The following SIPA1L3 variants were observed in gnomAD, a reference collection of about 807,000 sequenced individuals.
The protein encoded by SIPA1L3 is signal-induced proliferation-associated 1-like protein 3.
A neutral mutation model predicts 150.1 loss-of-function variants in SIPA1L3; 59 were observed. The observed-to-expected ratio is 0.39, with a 90% CI of 0.32 to 0.49. The LOEUF is 0.49. Among genes scored for constraint, SIPA1L3 ranks in the 20% least tolerant of loss-of-function variants. SIPA1L3 has a pLI of 0.86. For synonymous variants in SIPA1L3, 1,070 were observed against 1,077.6 expected (o/e 0.99, Z 0.14); for missense variants, 2,211 against 2,489.5 (o/e 0.89, Z 2.38).
chr19:38,129,285 G>C (rs956438296), intron 9 of SIPA1L3, among the ~76,000 whole-genome samples: 2 of 152,136 alleles, frequency 1.3e-5, no homozygotes, highest in African/African-American at 4.8e-5. Context: ...CTCCATGTTG[G>C]GGGAAGGTCT....
chr19:38,145,817 CT>C (rs1463318069), intron 12 of SIPA1L3, among the ~76,000 whole-genome samples: 5 of 151,892 alleles, frequency 3.3e-5, no homozygotes, highest in Admixed American at 6.6e-5. Context: ...TCTCTTCCCC[CT>C]GTGCCTAACC....
chr19:38,197,905 T>A lies in SIPA1L3; in HGVS notation c.4841-484T>A, dbSNP rs544598376. On this transcript the variant is annotated intron_variant, in intron 18 of 21. Coordinates refer to ENST00000222345, the MANE Select transcript of SIPA1L3 (RefSeq NM_015073.3). The stretch of plus-strand genomic sequence containing the variant: ...CCAAACACACAGTCCGTCCCCCACA[T>A]GCACCCAGAGGGAGTCTTCCAGGGC... 1.6e-4 allele frequency among the ~76,000 whole-genome samples: 16 copies of A among 97,928 alleles called. No homozygotes were observed. In the East Asian group the frequency reaches 5.4e-3, roughly 33 times the overall value. 64.2% of individuals were successfully genotyped at this position (97,928 alleles called of 152,430 possible). A position where few individuals can be genotyped will look rare whatever the true frequency, so the allele number is the denominator to read the frequency against.
In SIPA1L3 at chr19:38,046,592, G is replaced by T. The variant is rs1969064314; in HGVS notation, c.-311+17436G>T. ...AGGAAATGACTCCTTCATAGGCTGA[G>T]AGTTTTGGGAGGCCCTGTGCCACAA... On this transcript the variant is annotated intron_variant, in intron 2 of 21. Transcript: ENST00000222345. This position sits in a 1 kb window ranked among gnomAD's most constrained non-coding sequence, Gnocchi z 5.6. Among the ~76,000 whole-genome samples the T allele has an allele frequency of 6.6e-6, 1 of 152,162 alleles. No homozygotes were observed.
chr19:38,126,736 A>G (rs1005934722), intron 9 of SIPA1L3, among the ~76,000 whole-genome samples: 1 of 151,696 alleles, frequency 6.6e-6, no homozygotes, highest in Non-Finnish European at 1.5e-5. Flanking sequence ...GGGTTTCACC[A>G]TGTTGCCCAG....
chr19:38,000,490 A>G (rs919905173), intron 1 of SIPA1L3, among the ~76,000 whole-genome samples: 1 of 150,838 alleles, frequency 6.6e-6, no homozygotes. Flanking sequence ...AAAAAAAAAA[A>G]AAAAAAAAGA....
intron 1 of SIPA1L3, among the ~76,000 whole-genome samples, chr19:37,950,257 C>CG (rs1238331960): frequency 6.6e-6 from 1 of 152,036 alleles, no homozygotes; most frequent in Non-Finnish European, 1.5e-5. Flanking sequence ...ATTAGACAAA[C>CG]TTAGGTAAAG....
intron 1 of SIPA1L3, among the ~76,000 whole-genome samples, chr19:37,980,466 T>G (rs1967174940): frequency 6.6e-6 from 1 of 152,000 alleles, no homozygotes; most frequent in African/African-American, 2.4e-5. Context: ...TAGGAGTTAA[T>G]AAGGCAAAAA....
chr19:38,183,085 G>A (rs1308711110), intron 16 of SIPA1L3: 7 of 246,940 alleles, frequency 2.8e-5, no homozygotes, highest in Admixed American at 5.6e-5. Flanking sequence ...TGGGCAGGCC[G>A]GGGTGGCTGG....
intron 18 of SIPA1L3, among the ~76,000 whole-genome samples, chr19:38,197,053 A>G (rs139464332): frequency 6.6e-6 from 1 of 152,268 alleles, no homozygotes; most frequent in African/African-American, 2.4e-5. Context: ...GCTGGAAGCC[A>G]TGTGAGCCCA....
At chr19:37,940,842 A>G (rs2046648049) in intron 1 of SIPA1L3, among the ~76,000 whole-genome samples, 1 of 152,008 alleles carries the variant, frequency 6.6e-6, no homozygotes, top group Non-Finnish European at 1.5e-5. Flanking sequence ...TCAGCTTCCT[A>G]AAGTGCTGGG....
intron 15 of SIPA1L3, among the ~76,000 whole-genome samples, chr19:38,180,114 C>T (rs73627663): frequency 0.14 from 20,692 of 151,798 alleles, 1,459 homozygotes; most frequent in African/African-American, 0.17. Flanking sequence ...GGGATTAACC[C>T]GAGGAGTTTT....
intron 1 of SIPA1L3, among the ~76,000 whole-genome samples, chr19:37,961,169 C>CT (rs34465052): frequency 1.0e-3 from 149 of 143,634 alleles, no homozygotes; most frequent in Non-Finnish European, 1.4e-3. Flanking sequence ...GTGCCCAACC[C>CT]TTTTTTTTTT....
chr19:38,012,332 C>A (rs1222499968), intron 1 of SIPA1L3, among the ~76,000 whole-genome samples: 6 of 152,058 alleles, frequency 3.9e-5, no homozygotes, highest in Non-Finnish European at 8.8e-5. Context: ...GCGTTCCTCC[C>A]ACCTCAGTGT....
At chr19:38,165,926 C>A (rs538753767) in intron 15 of SIPA1L3, among the ~76,000 whole-genome samples, 10 of 152,272 alleles carry the variant, frequency 6.6e-5, no homozygotes, top group African/African-American at 1.9e-4. Context: ...CCATGCCCAA[C>A]TAATTTTTGT....
At chr19:37,956,244 G>C (rs572599162) in intron 1 of SIPA1L3, among the ~76,000 whole-genome samples, 7 of 152,158 alleles carry the variant, frequency 4.6e-5, no homozygotes, top group Non-Finnish European at 7.3e-5. Context: ...GTTGTGATTT[G>C]CATGTCTCTG....
chr19:38,048,771 C>T (rs1302323531), intron 2 of SIPA1L3, among the ~76,000 whole-genome samples: 3 of 152,184 alleles, frequency 2.0e-5, no homozygotes, highest in Non-Finnish European at 4.4e-5. Context: ...CTGCCTCCTG[C>T]ATCATCCACC....
At chr19:37,917,111 T>C (rs2046420528) in intron 1 of SIPA1L3, among the ~76,000 whole-genome samples, 1 of 152,354 alleles carries the variant, frequency 6.6e-6, no homozygotes, top group South Asian at 2.1e-4. Context: ...GTAATCAATA[T>C]AGAAATTATT....
At chr19:37,937,922 C>T (rs1242904353) in intron 1 of SIPA1L3, among the ~76,000 whole-genome samples, 1 of 150,480 alleles carries the variant, frequency 6.6e-6, no homozygotes, top group African/African-American at 2.4e-5. Flanking sequence ...TGGTGCGCAC[C>T]TGTAGTCCCA....
chr19:38,070,516 G>A (rs955343909), intron 2 of SIPA1L3, among the ~76,000 whole-genome samples: 1 of 152,174 alleles, frequency 6.6e-6, no homozygotes, highest in Non-Finnish European at 1.5e-5. Flanking sequence ...CAGCAGTGGC[G>A]TGTAGTAGAA....
Sources: gnomAD v4.1 joint callset for allele counts (sites outside exome capture counted in the v4.1 genomes callset) on GRCh38, gnomAD v4.1.1 for gene constraint, Gnocchi (gnomAD v3.1) non-coding constraint, MANE v1.5 for transcripts, NCBI Gene and HGNC (gene_info 2026-07-23, HGNC 2026-07-21) for gene names.